Variants in PTPRD observed in about 807,000 individuals in gnomAD.
PTPRD encodes protein tyrosine phosphatase receptor type D.
Under a neutral mutation model 214.5 loss-of-function variants are expected in PTPRD, and 34 were observed. The ratio of observed to expected loss-of-function variants is 0.16; its 90% CI spans 0.12 to 0.21. The LOEUF (loss-of-function observed/expected upper bound fraction) is 0.21, where lower values mean the gene tolerates loss of function less well. Ranked by LOEUF, PTPRD falls within the 10% of genes least tolerant of loss-of-function variation. The probability of loss-of-function intolerance (pLI) is 1.00; values close to 1 mark genes in which losing one functional copy is unlikely to be tolerated. For missense variants in PTPRD, 2,545 were observed against 2,398.7 expected (o/e 1.06, Z -1.27); for synonymous variants, 1,128 against 845.7 (o/e 1.33, Z -5.79).
intron 7 of PTPRD, among the ~76,000 whole-genome samples, chr9:9,644,684 C>A (rs2096085639): frequency 6.7e-6 from 1 of 150,002 alleles, no homozygotes. Context: ...GAACAGTTAT[C>A]CCCATTTTCC....
chr9:9,052,047 C>T (rs1243583176), intron 10 of PTPRD, among the ~76,000 whole-genome samples: 1 of 152,184 alleles, frequency 6.6e-6, no homozygotes, highest in Non-Finnish European at 1.5e-5. Context: ...ATTTATTTCT[C>T]ATAGTTCTGG....
chr9:9,761,906 T>C (rs1225312707), intron 6 of PTPRD, among the ~76,000 whole-genome samples: 4 of 152,208 alleles, frequency 2.6e-5, no homozygotes, highest in Non-Finnish European at 5.9e-5. Context: ...AAATATAATA[T>C]TTTAATATTC....
intron 8 of PTPRD, among the ~76,000 whole-genome samples, chr9:9,537,349 G>A (rs1370180070): frequency 1.3e-5 from 2 of 151,916 alleles, no homozygotes; most frequent in South Asian, 2.1e-4. Flanking sequence ...CGTTAGTCCA[G>A]TTGCTATAAT....
At chr9:9,195,480 G>A (rs991120898) in intron 9 of PTPRD, among the ~76,000 whole-genome samples, 1 of 151,960 alleles carries the variant, frequency 6.6e-6, no homozygotes, top group African/African-American at 2.4e-5. Flanking sequence ...CATTTGTTGG[G>A]GATTAAGTAG....
chr9:9,807,137 T>G (rs1468354816), intron 5 of PTPRD, among the ~76,000 whole-genome samples: 1 of 152,164 alleles, frequency 6.6e-6, no homozygotes, highest in Non-Finnish European at 1.5e-5. Context: ...GCTGCAAAAC[T>G]TGCCTCAGTC....
intron 5 of PTPRD, among the ~76,000 whole-genome samples, chr9:9,771,635 A>C (rs997034369): frequency 6.6e-6 from 1 of 152,180 alleles, no homozygotes; most frequent in Non-Finnish European, 1.5e-5. Flanking sequence ...TCTTGGAGGA[A>C]CTTTTAACTT....
chr9:8,888,287 A>G (rs1019716898), intron 11 of PTPRD, among the ~76,000 whole-genome samples: 1 of 152,196 alleles, frequency 6.6e-6, no homozygotes, highest in African/African-American at 2.4e-5. Context: ...AATACCGTTC[A>G]TTTACATGGC....
intron 2 of PTPRD, among the ~76,000 whole-genome samples, chr9:10,431,816 G>A (rs1172710622): frequency 1.3e-5 from 2 of 152,078 alleles, no homozygotes; most frequent in Admixed American, 1.3e-4. Context: ...GGAGAAATAG[G>A]AAGACTTTTA....
At chr9:8,603,367 T>C (rs891375091) in intron 14 of PTPRD, among the ~76,000 whole-genome samples, 2 of 152,214 alleles carry the variant, frequency 1.3e-5, no homozygotes, top group Non-Finnish European at 2.9e-5. Context: ...GACAACAGTT[T>C]AAACTCTTGG....
At chr9:8,723,667 GTAGAT>G (rs1565569233) in intron 12 of PTPRD, among the ~76,000 whole-genome samples, 1 of 152,172 alleles carries the variant, frequency 6.6e-6, no homozygotes. Flanking sequence ...TAAAATCACT[GTAGAT>G]TAAAGGTTTA....
chr9:9,107,575 T>TAC (rs772286473), intron 10 of PTPRD, among the ~76,000 whole-genome samples: 1 of 152,012 alleles, frequency 6.6e-6, no homozygotes, highest in African/African-American at 2.4e-5. Context: ...CACATGCACA[T>TAC]ACACACACAC....
At chr9:10,081,063 G>C (rs141887786) in intron 3 of PTPRD, among the ~76,000 whole-genome samples, 286 of 151,986 alleles carry the variant, frequency 1.9e-3, no homozygotes, top group African/African-American at 6.6e-3. Context: ...TATCTACTAA[G>C]AATATTTCTC....
chr9:10,489,362 T>C (rs1262047313), intron 2 of PTPRD, among the ~76,000 whole-genome samples: 3 of 152,112 alleles, frequency 2.0e-5, no homozygotes, highest in Non-Finnish European at 4.4e-5. Context: ...CACCTTTCCC[T>C]CTATTCTCCT....
intron 3 of PTPRD, among the ~76,000 whole-genome samples, chr9:10,204,546 G>C (rs746097357): frequency 6.6e-6 from 1 of 151,652 alleles, no homozygotes; most frequent in Non-Finnish European, 1.5e-5. Context: ...TGATAGTTTG[G>C]GTACAATAAA....
At chr9:8,598,606 C>G (rs1221335811) in intron 14 of PTPRD, among the ~76,000 whole-genome samples, 2 of 152,154 alleles carry the variant, frequency 1.3e-5, no homozygotes, top group Non-Finnish European at 2.9e-5. Context: ...GGAAAATGGT[C>G]TTTCTATCAG....
At chr9:10,542,933 TA>T in intron 2 of PTPRD, among the ~76,000 whole-genome samples, 2 of 152,240 alleles carry the variant, frequency 1.3e-5, no homozygotes, top group Middle Eastern at 6.8e-3. Context: ...TTAATTTTAG[TA>T]GAGATGGGGT....
Position 8,391,888 on chromosome 9 carries a change from G to A in PTPRD, c.4211-2481C>T, listed in dbSNP as rs1364590098. 2.0e-5 allele frequency among the ~76,000 whole-genome samples: 3 copies of A among 152,044 alleles called. 1 individual carries two copies. In the East Asian group the frequency reaches 5.8e-4, roughly 29 times the overall value. ...ATCAGACCCATCCAACCCTCTTTGGGTAAAAATGTTAATCAGTTATTATGT... is the reference window on the plus strand; with the variant it reads ...ATCAGACCCATCCAACCCTCTTTGGATAAAAATGTTAATCAGTTATTATGT... On this transcript the variant is annotated intron_variant, in intron 36 of 45. Coordinates refer to ENST00000381196, the MANE Select transcript of PTPRD (RefSeq NM_002839.4).
intron 35 of PTPRD, among the ~76,000 whole-genome samples, chr9:8,414,928 GGGGAGAGA>G (rs1169540904): frequency 0.039 from 2,757 of 70,456 alleles, 73 homozygotes; most frequent in East Asian, 0.07. Context: ...AGAGAGGGAG[GGGGAGAGA>G]GAGAGAGAGA....
chr9:9,899,570 T>C (rs1179004444), intron 5 of PTPRD, among the ~76,000 whole-genome samples: 1 of 152,046 alleles, frequency 6.6e-6, no homozygotes, highest in African/African-American at 2.4e-5. Flanking sequence ...GGTATGGATG[T>C]GAAGAAATGA....
Sources: gnomAD v4.1 joint callset for allele counts (sites outside exome capture counted in the v4.1 genomes callset) on GRCh38, gnomAD v4.1.1 for gene constraint, MANE v1.5 for transcripts, NCBI Gene and HGNC (gene_info 2026-07-23, HGNC 2026-07-21) for gene names.